The following ADGB variants were observed in gnomAD, a reference collection of about 807,000 sequenced individuals.
ADGB encodes the protein androglobin.
ADGB carries 172 observed loss-of-function variants against 210.5 expected under a neutral mutation model. The observed-to-expected ratio is 0.82, with a 90% CI of 0.72 to 0.93. The LOEUF (loss-of-function observed/expected upper bound fraction) is 0.93. Ranked by LOEUF, ADGB falls within the 40% of genes least tolerant of loss-of-function variation. The pLI, the probability that ADGB is intolerant of heterozygous loss-of-function variation, is 0.00. For missense variants in ADGB, 2,025 were observed against 1,964.8 expected (o/e 1.03, Z -0.58); for synonymous variants, 658 against 662.7 (o/e 0.99, Z 0.11).
chr6:146,645,447 A>G (rs1775594544), intron 3 of ADGB, among the ~76,000 whole-genome samples: 1 of 152,064 alleles, frequency 6.6e-6, no homozygotes, highest in African/African-American at 2.4e-5. Flanking sequence ...CTATCCTCAT[A>G]ACAGCTATAT....
At chr6:146,778,746 G>T (rs1046559785) in intron 29 of ADGB, among the ~76,000 whole-genome samples, 15 of 152,120 alleles carry the variant, frequency 9.9e-5, no homozygotes, top group African/African-American at 3.6e-4. Flanking sequence ...CAGGCTAGAT[G>T]AATTTTTCCA....
chr6:146,787,859 T>C (rs1329041869), intron 32 of ADGB, among the ~76,000 whole-genome samples: 1 of 152,192 alleles, frequency 6.6e-6, no homozygotes, highest in Admixed American at 6.6e-5. Flanking sequence ...GAAATTATGG[T>C]AGGTTTTACA....
chr6:146,636,266 C>G (rs1775417228), intron 2 of ADGB, among the ~76,000 whole-genome samples: 1 of 151,874 alleles, frequency 6.6e-6, no homozygotes, highest in African/African-American at 2.4e-5. Flanking sequence ...AACATAAGTG[C>G]CAGAAGGGTT....
chr6:146,806,710 C>T (rs1030738610), intron 35 of ADGB, among the ~76,000 whole-genome samples: 4 of 152,162 alleles, frequency 2.6e-5, no homozygotes, highest in African/African-American at 9.7e-5. Context: ...ACTTTTGAAA[C>T]AGTAAGCAAT....
At chr6:146,697,172 G>A (rs554930400) in intron 12 of ADGB, among the ~76,000 whole-genome samples, 67 of 152,134 alleles carry the variant, frequency 4.4e-4, no homozygotes, top group Non-Finnish European at 9.1e-4. Flanking sequence ...TCACAATAGG[G>A]ATAGAAAGAA....
intron 9 of ADGB, among the ~76,000 whole-genome samples, chr6:146,682,251 G>C (rs1776167864): frequency 6.6e-6 from 1 of 152,010 alleles, no homozygotes; most frequent in African/African-American, 2.4e-5. Context: ...TGGTATTTAA[G>C]TAATCTTACG....
intron 25 of ADGB, among the ~76,000 whole-genome samples, chr6:146,741,988 TACTTG>T (rs1405713936): frequency 6.6e-6 from 1 of 152,212 alleles, no homozygotes; most frequent in Non-Finnish European, 1.5e-5. Flanking sequence ...GTTATGTCTG[TACTTG>T]ACTTCTGAGA....
intron 33 of ADGB, among the ~76,000 whole-genome samples, chr6:146,796,492 C>T (rs1005424843): frequency 2.0e-5 from 3 of 152,166 alleles, no homozygotes; most frequent in African/African-American, 7.2e-5. Flanking sequence ...GTTACCAAAA[C>T]AGCATGGTAC....
At chr6:146,710,047 T>A (rs1431002754) in intron 13 of ADGB, among the ~76,000 whole-genome samples, 1 of 151,690 alleles carries the variant, frequency 6.6e-6, no homozygotes, top group African/African-American at 2.4e-5. Context: ...TTATTTTTAA[T>A]GTGGTTGAAT....
chr6:146,721,224 C>CA (rs1776808104), intron 16 of ADGB, among the ~76,000 whole-genome samples, 179 bp from the exon 17 acceptor site: 1 of 152,118 alleles, frequency 6.6e-6, no homozygotes, highest in Non-Finnish European at 1.5e-5. Context: ...AGACGGTTGC[C>CA]AACATTCACC....
At chr6:146,757,591 T>C (rs997114402) in intron 27 of ADGB, among the ~76,000 whole-genome samples, 2 of 151,862 alleles carry the variant, frequency 1.3e-5, no homozygotes, top group Non-Finnish European at 2.9e-5. Context: ...ACTCCAGCCT[T>C]CCATGAATAG....
intron 9 of ADGB, among the ~76,000 whole-genome samples, chr6:146,676,856 G>A (rs542869600): frequency 2.0e-5 from 3 of 152,290 alleles, no homozygotes; most frequent in Admixed American, 2.0e-4. Context: ...CTTTTACTGT[G>A]TTTTAGAAAG....
intron 1 of ADGB, among the ~76,000 whole-genome samples, chr6:146,607,608 C>T (rs1046403601): frequency 6.6e-6 from 1 of 152,022 alleles, no homozygotes; most frequent in Non-Finnish European, 1.5e-5. Flanking sequence ...GAAGGTGTAA[C>T]AGATTTTATC....
intron 10 of ADGB, among the ~76,000 whole-genome samples, chr6:146,688,024 T>C (rs1355702796): frequency 6.6e-6 from 1 of 152,174 alleles, no homozygotes; most frequent in Non-Finnish European, 1.5e-5. Flanking sequence ...TGTTTATTCA[T>C]TGGTTAATTC....
intron 4 of ADGB, among the ~76,000 whole-genome samples, chr6:146,655,237 T>C (rs1583576750): frequency 6.6e-6 from 1 of 152,236 alleles, no homozygotes; most frequent in East Asian, 1.9e-4. Context: ...TGACCAGCAA[T>C]GGACATGAAG....
intron 7 of ADGB, 41 bp from the exon 8 acceptor site, chr6:146,672,179 A>C (rs1776018680): frequency 6.9e-7 from 1 of 1,455,742 alleles, no homozygotes; most frequent in Admixed American, 2.9e-5. Context: ...GGAAAAAAAA[A>C]AACATCGTTT....
At chr6:146,676,841 C>A (rs1776092123) in intron 9 of ADGB, among the ~76,000 whole-genome samples, 1 of 152,166 alleles carries the variant, frequency 6.6e-6, no homozygotes, top group Admixed American at 6.6e-5. Context: ...AGTGGGCCTC[C>A]AGCTCTTTTA....
chr6:146,798,179 T>C (rs774539157), intron 33 of ADGB, among the ~76,000 whole-genome samples: 9 of 152,182 alleles, frequency 5.9e-5, no homozygotes, highest in Non-Finnish European at 1.0e-4. Flanking sequence ...CAAAAGGAAG[T>C]CCTTCAGGCT....
At chr6:146,697,959 A>G (rs751027853) in intron 12 of ADGB, among the ~76,000 whole-genome samples, 65 of 152,192 alleles carry the variant, frequency 4.3e-4, no homozygotes, top group Non-Finnish European at 7.4e-4. Flanking sequence ...CAAAATTTAG[A>G]CCAAAGAAGT....
Sources: gnomAD v4.1 joint callset for allele counts (sites outside exome capture counted in the v4.1 genomes callset) on GRCh38, gnomAD v4.1.1 for gene constraint, MANE v1.5 for transcripts, NCBI Gene and HGNC (gene_info 2026-07-23, HGNC 2026-07-21) for gene names.